Variants in SSBP2 observed in about 807,000 individuals in gnomAD.
SSBP2 encodes the protein single-stranded DNA-binding protein 2.
Under a neutral mutation model 61.8 loss-of-function variants are expected in SSBP2, and 17 were observed. That is an observed-to-expected ratio of 0.28 (90% CI 0.19 to 0.41). SSBP2 has a LOEUF of 0.41. Ranked by LOEUF, SSBP2 falls within the 10% of genes least tolerant of loss-of-function variation. SSBP2 has a pLI of 1.00. For missense variants in SSBP2, 310 were observed against 458.7 expected (o/e 0.68, Z 2.96); for synonymous variants, 139 against 141.3 (o/e 0.98, Z 0.12).
At chr5:81,668,318 C>T (rs1751332068) in intron 1 of SSBP2, among the ~76,000 whole-genome samples, 1 of 143,502 alleles carries the variant, frequency 7.0e-6, no homozygotes, top group South Asian at 2.2e-4. Flanking sequence ...TTTAATTGTT[C>T]AGTTTTAACA....
At chr5:81,671,998 T>C (rs1052168172) in intron 1 of SSBP2, among the ~76,000 whole-genome samples, 1 of 152,186 alleles carries the variant, frequency 6.6e-6, no homozygotes, top group Non-Finnish European at 1.5e-5. Flanking sequence ...TACTTGAAAG[T>C]AATAAAATGG....
At chr5:81,597,513 T>C (rs1230763880) in intron 4 of SSBP2, among the ~76,000 whole-genome samples, 3 of 152,178 alleles carry the variant, frequency 2.0e-5, no homozygotes, top group South Asian at 4.1e-4. Context: ...ACTGGGTATA[T>C]ACCCAAAGGA....
At chr5:81,507,388 T>G (rs1448673687) in intron 5 of SSBP2, among the ~76,000 whole-genome samples, 2 of 152,100 alleles carry the variant, frequency 1.3e-5, no homozygotes, top group Non-Finnish European at 2.9e-5. Flanking sequence ...CATCAACATA[T>G]TATCAGTTTT....
intron 4 of SSBP2, among the ~76,000 whole-genome samples, chr5:81,530,631 T>C (rs1770317930): frequency 6.6e-6 from 1 of 152,076 alleles, no homozygotes; most frequent in Non-Finnish European, 1.5e-5. Flanking sequence ...TGAAGATACC[T>C]CATTTCCTAT....
intron 3 of SSBP2, 77 bp downstream of exon 3, chr5:81,636,480 G>A: frequency 9.0e-7 from 1 of 1,115,130 alleles, no homozygotes; most frequent in African/African-American, 1.6e-5. Flanking sequence ...AAGGAAGCAT[G>A]AAATCATAAA....
chr5:81,498,460 A>C (rs1221208172), intron 5 of SSBP2, among the ~76,000 whole-genome samples: 1 of 152,090 alleles, frequency 6.6e-6, no homozygotes, highest in Non-Finnish European at 1.5e-5. Flanking sequence ...TGAAGACAAA[A>C]TTCCATGACA....
At chr5:81,422,321 T>C (rs746195735) in intron 16 of SSBP2, among the ~76,000 whole-genome samples, 19 of 152,030 alleles carry the variant, frequency 1.2e-4, no homozygotes, top group Non-Finnish European at 2.4e-4. Context: ...GGATGGATTA[T>C]AGTGTGAAAG....
At chr5:81,561,616 A>T (rs752845760) in intron 4 of SSBP2, among the ~76,000 whole-genome samples, 11 of 148,968 alleles carry the variant, frequency 7.4e-5, no homozygotes, top group Non-Finnish European at 1.2e-4. Context: ...GACCAAAAGA[A>T]AAAAAAAAAG....
intron 4 of SSBP2, among the ~76,000 whole-genome samples, chr5:81,519,187 T>C (rs552026459): frequency 6.6e-6 from 1 of 152,288 alleles, no homozygotes; most frequent in Middle Eastern, 3.4e-3. Flanking sequence ...TATCTACTTA[T>C]TGAAAGTTAA....
intron 2 of SSBP2, among the ~76,000 whole-genome samples, chr5:81,644,190 C>T (rs1392227922): frequency 6.6e-6 from 1 of 152,158 alleles, no homozygotes; most frequent in African/African-American, 2.4e-5. Flanking sequence ...AGTAGTGCTG[C>T]TTTCTTTTAG....
At chr5:81,589,876 A>AGG (rs1775362329) in intron 4 of SSBP2, among the ~76,000 whole-genome samples, 1 of 151,080 alleles carries the variant, frequency 6.6e-6, no homozygotes, top group African/African-American at 2.4e-5. Flanking sequence ...TGAGAGAGGG[A>AGG]GAGAGAGAGA....
At chr5:81,517,298 C>T (rs1769106612) in intron 4 of SSBP2, among the ~76,000 whole-genome samples, 1 of 151,012 alleles carries the variant, frequency 6.6e-6, no homozygotes, top group South Asian at 2.1e-4. Context: ...ATGCTTTTAT[C>T]ATGCACTGCC....
At chr5:81,582,638 G>C (rs1213437688) in intron 4 of SSBP2, among the ~76,000 whole-genome samples, 1 of 152,060 alleles carries the variant, frequency 6.6e-6, no homozygotes, top group Non-Finnish European at 1.5e-5. Context: ...GCATCACGCA[G>C]GATGGAGTGC....
rs1761455809 is a variant in SSBP2, at chr5:81,419,174, T to A, written c.*1330A>T. On this transcript the variant is annotated 3_prime_UTR_variant, in exon 17 of 17. Transcript: ENST00000320672. ...AGATTAAAAAAAATTTACTTATTCT[T>A]TTTTGAACAGTCAGTTACACAATGT... 1 of 152,232 alleles carries A rather than the reference T, an allele frequency of 6.6e-6. No homozygotes were observed. Among genetic ancestry groups the A allele is most frequent in the South Asian group, 2.1e-4 (1 of 4,834 alleles). The allele number at this position is 152,232 out of a possible 1,614,324, so 9.4% of individuals were successfully genotyped here.
rs184704767 is a variant in SSBP2, at chr5:81,464,011, C to T, written c.639-2908G>A. Among the ~76,000 whole-genome samples, 902 of 152,030 alleles carry T rather than the reference C, an allele frequency of 5.9e-3. 6 individuals are homozygous for T. Among genetic ancestry groups the T allele is most frequent in the African/African-American group, 0.02 (837 of 41,476 alleles). On this transcript the variant is annotated intron_variant, in intron 9 of 16. Coordinates refer to ENST00000320672, the MANE Select transcript of SSBP2 (RefSeq NM_012446.5). ...CTCAAACTCCTGACCTCAAGTGATCCGCCTGCCTTGACCTCCCAAAGTGCT... is the reference window on the plus strand; with the variant it reads ...CTCAAACTCCTGACCTCAAGTGATCTGCCTGCCTTGACCTCCCAAAGTGCT...
chr5:81,489,355 A>C (rs199620141), intron 5 of SSBP2, 46 bp from the exon 6 acceptor site: 1 of 1,473,068 alleles, frequency 6.8e-7, no homozygotes, highest in Non-Finnish European at 9.3e-7. Flanking sequence ...AAACAGTACA[A>C]TGTAAAATAC....
At chr5:81,587,580 A>G (rs1405458891) in intron 4 of SSBP2, among the ~76,000 whole-genome samples, 1 of 152,096 alleles carries the variant, frequency 6.6e-6, no homozygotes, top group Non-Finnish European at 1.5e-5. Flanking sequence ...AAATACAAAA[A>G]TTAGCCAAAT....
intron 4 of SSBP2, among the ~76,000 whole-genome samples, chr5:81,605,370 A>G (rs780093033): frequency 2.0e-5 from 3 of 152,156 alleles, no homozygotes; most frequent in Non-Finnish European, 4.4e-5. Context: ...AGGGCTACAC[A>G]GGAATCGCAG....
intron 5 of SSBP2, among the ~76,000 whole-genome samples, chr5:81,498,490 T>C (rs1188085913): frequency 1.3e-5 from 2 of 152,078 alleles, no homozygotes; most frequent in African/African-American, 4.8e-5. Flanking sequence ...TTCTAGAATC[T>C]AAAACATAAT....
Sources: allele counts gnomAD v4.1 joint callset (sites outside exome capture counted in the v4.1 genomes callset), GRCh38; gene constraint gnomAD v4.1.1; transcripts MANE v1.5; gene names NCBI Gene and HGNC (gene_info 2026-07-23, HGNC 2026-07-21).